Variants in PCNX2 observed in about 807,000 individuals in gnomAD.
The protein encoded by PCNX2 is pecanex 2.
In PCNX2, 168 loss-of-function variants were observed where a neutral mutation model predicts 223.8. The observed-to-expected ratio is 0.75, with a 90% CI of 0.66 to 0.85. The LOEUF is 0.85. PCNX2 is among the 40% of genes least tolerant of loss of function. The pLI is 0.00. For synonymous variants in PCNX2, 1,006 were observed against 1,052.6 expected, an observed-to-expected ratio of 0.96 and a Z score of 0.86; for missense variants, 2,507 against 2,675.5, an observed-to-expected ratio of 0.94 and a Z score of 1.39.
At chr1:233,090,244 A>C (rs1558220393) in intron 22 of PCNX2, 54 bp from the exon 23 acceptor site, 3 of 1,577,266 alleles carry the variant, frequency 1.9e-6, no homozygotes. Flanking sequence ...AGATTTTTAA[A>C]ACATTATTTC....
chr1:233,290,088 C>T (rs1186666115), intron 1 of PCNX2, among the ~76,000 whole-genome samples: 1 of 148,986 alleles, frequency 6.7e-6, no homozygotes, highest in African/African-American at 2.5e-5. Flanking sequence ...ACCTTAAATT[C>T]TACTCTCAAA....
intron 1 of PCNX2, chr1:233,291,194 G>T: frequency 1.5e-6 from 1 of 668,052 alleles, no homozygotes; most frequent in Non-Finnish European, 1.9e-6. Flanking sequence ...TGGGCAAATA[G>T]CTGACTCTCC....
At chr1:233,165,313 TA>T (rs1678726202) in intron 17 of PCNX2, among the ~76,000 whole-genome samples, 1 of 152,190 alleles carries the variant, frequency 6.6e-6, no homozygotes, top group Admixed American at 6.5e-5. Context: ...ATATGCCTCC[TA>T]GGGCACATTT....
chr1:233,115,871 A>G (rs1675377816), intron 21 of PCNX2, among the ~76,000 whole-genome samples: 1 of 152,214 alleles, frequency 6.6e-6, no homozygotes, highest in South Asian at 2.1e-4. Flanking sequence ...ATATTGGCAG[A>G]ATGGAATAAC....
At chr1:233,237,675 A>G (rs1658501922) in intron 8 of PCNX2, among the ~76,000 whole-genome samples, 1 of 152,204 alleles carries the variant, frequency 6.6e-6, no homozygotes, top group Non-Finnish European at 1.5e-5. Flanking sequence ...GGGTATCTAT[A>G]ACTTTTAGGA....
chr1:233,124,014 A>AT (rs1372050361), intron 21 of PCNX2, among the ~76,000 whole-genome samples: 1 of 152,160 alleles, frequency 6.6e-6, no homozygotes, highest in East Asian at 1.9e-4. Flanking sequence ...TTCTTGCTTA[A>AT]TTTTTTTCAA....
chr1:233,295,993 TC>T, upstream of PCNX2, among the ~76,000 whole-genome samples: 1 of 144,840 alleles, frequency 6.9e-6, no homozygotes, highest in East Asian at 2.0e-4. This position sits in a 1 kb window ranked among gnomAD's most constrained non-coding sequence, Gnocchi z 4.1. Context: ...TTTTTTTCTT[TC>T]TTTCTTTCTT....
chr1:233,245,697 G>C (rs12727078), intron 8 of PCNX2, among the ~76,000 whole-genome samples: 20,760 of 152,186 alleles, frequency 0.14, 1,720 homozygotes, highest in South Asian at 0.21. Context: ...GGCGGATCAC[G>C]AGGTGAGGAG....
intron 1 of PCNX2, among the ~76,000 whole-genome samples, chr1:233,283,189 T>C (rs143192474): frequency 6.6e-6 from 1 of 152,150 alleles, no homozygotes. Context: ...GATATAAATA[T>C]GAAATAATGG....
At position 233,236,945 on chromosome 1, in the gene PCNX2, G is replaced by A; in HGVS notation, c.2258C>T (p.Ser753Phe). The change falls in exon 9 of 34, where the codon TCT becomes TTT. Residue 753 changes from serine to phenylalanine, a missense_variant. Ser to Phe is a radical substitution (Grantham distance 155). Transcript: ENST00000258229. Reference sequence around the variant, plus strand: ...CCCAGAAGACGGATCTTGACTCTCAGAAGTTGTGGTACTGGAGGAGCTGAC... The same window carrying A: ...CCCAGAAGACGGATCTTGACTCTCAAAAGTTGTGGTACTGGAGGAGCTGAC... ...MQVSSSSTTT[S>F]ESQDPSSGDP... 6.2e-7 allele frequency: 1 copy of A among 1,613,992 alleles called. No individual in the cohort carries two copies.
intron 19 of PCNX2, among the ~76,000 whole-genome samples, chr1:233,148,395 T>C (rs908811708): frequency 6.6e-6 from 1 of 152,018 alleles, no homozygotes. Context: ...TAACGCTGCA[T>C]ATTGACAGGA....
At chr1:233,084,518 T>C (rs16858637) in intron 23 of PCNX2, among the ~76,000 whole-genome samples, 15,076 of 152,254 alleles carry the variant, frequency 0.099, 865 homozygotes, top group African/African-American at 0.15. Flanking sequence ...TTCCCTTTCA[T>C]CTAGCGCTGT....
chr1:233,074,229 T>C (rs908161085), intron 23 of PCNX2, among the ~76,000 whole-genome samples: 1 of 152,116 alleles, frequency 6.6e-6, no homozygotes, highest in African/African-American at 2.4e-5. Flanking sequence ...AGATGGTCCA[T>C]TGTGGAGAAT....
intron 21 of PCNX2, 149 bp from the exon 22 acceptor site, chr1:233,096,012 T>C: frequency 1.6e-6 from 1 of 621,222 alleles, no homozygotes; most frequent in Middle Eastern, 3.1e-4. Flanking sequence ...GCATCTCATG[T>C]GGAATGCAGC....
chr1:233,078,479 A>C (rs1238573058), intron 23 of PCNX2, among the ~76,000 whole-genome samples: 1 of 152,238 alleles, frequency 6.6e-6, no homozygotes, highest in African/African-American at 2.4e-5. Context: ...TTCCATCTCT[A>C]ACACTTTCCT....
Position 233,001,995 on chromosome 1 carries a change from G to A in PCNX2, c.4953-314C>T, listed in dbSNP as rs1670105636. On this transcript the variant is annotated intron_variant, in intron 28 of 33. Coordinates refer to ENST00000258229, the MANE Select transcript of PCNX2 (RefSeq NM_014801.4). This position sits in a 1 kb window ranked among gnomAD's most constrained non-coding sequence, Gnocchi z 4.2. Reference sequence around the variant, plus strand: ...CCTCACGTGTCCACTCAAAGTTAGAGTGCTAAAACACAGTTTCATCTACCC... The same window carrying A: ...CCTCACGTGTCCACTCAAAGTTAGAATGCTAAAACACAGTTTCATCTACCC... Among the ~76,000 whole-genome samples the A allele has an allele frequency of 6.6e-6, 1 of 152,160 alleles. No homozygotes were observed. Among genetic ancestry groups the A allele is most frequent in the South Asian group, 2.1e-4 (1 of 4,826 alleles).
rs774472510 is a variant in PCNX2 at position 232,983,493 on chromosome 1, AG to A, written c.*810del. 1.3e-5 allele frequency: 2 copies of A among 152,276 alleles called. No individual in the cohort carries two copies. Among genetic ancestry groups the A allele is most frequent in the Non-Finnish European group, 2.9e-5 (2 of 68,058 alleles). The allele number at this position is 152,276 out of a possible 1,614,324, so 9.4% of individuals were successfully genotyped here. A position where few individuals can be genotyped will look rare whatever the true frequency, so the allele number is the denominator to read the frequency against. On this transcript the variant is annotated 3_prime_UTR_variant, in exon 34 of 34. Transcript: ENST00000258229. ...TGTGTGCGATGTTGTGTGCACAGTA[AG>A]GGTTGCGGGGCTTGGAGAACAAGCA...
the PCNX2 span, among the ~76,000 whole-genome samples, chr1:233,316,904 CCTG>C: frequency 2.0e-5 from 3 of 152,144 alleles, no homozygotes; most frequent in Non-Finnish European, 2.9e-5. Flanking sequence ...TTCATCTGAT[CCTG>C]CTAAAATATA....
chr1:233,171,305 A>C (rs574673295), intron 17 of PCNX2, among the ~76,000 whole-genome samples: 1 of 150,680 alleles, frequency 6.6e-6, no homozygotes, highest in Non-Finnish European at 1.5e-5. Flanking sequence ...TTTTTTTTTT[A>C]AATCTTTTTT....
Sources: allele counts gnomAD v4.1 joint callset (sites outside exome capture counted in the v4.1 genomes callset), GRCh38; gene constraint gnomAD v4.1.1; non-coding constraint Gnocchi (gnomAD v3.1); transcripts MANE v1.5; gene names NCBI Gene and HGNC (gene_info 2026-07-23, HGNC 2026-07-21).